RHBDD1: variants seen among roughly 807,000 people sequenced by gnomAD.
RHBDD1 encodes rhomboid domain containing 1, also known as rhomboid-related protein 4.
RHBDD1 carries 38 observed loss-of-function variants against 36.3 expected under a neutral mutation model. The ratio of observed to expected loss-of-function variants is 1.05; its 90% CI spans 0.81 to 1.37. The LOEUF is 1.37. Among genes scored for constraint, RHBDD1 ranks in the 40% most tolerant of loss-of-function variants. The pLI is 0.00. For synonymous variants in RHBDD1, 151 were observed against 136.5 expected, an observed-to-expected ratio of 1.11 and a Z score of -0.74; for missense variants, 393 against 377.6, an observed-to-expected ratio of 1.04 and a Z score of -0.34.
At chr2:226,800,968 T>C in the RHBDD1 span, among the ~76,000 whole-genome samples, 1 of 152,330 alleles carries the variant, frequency 6.6e-6, no homozygotes, top group Admixed American at 6.5e-5. Context: ...CCCAGAGTTT[T>C]TTTATTTTTT....
chr2:226,812,804 T>A, the RHBDD1 span, among the ~76,000 whole-genome samples: 3 of 152,246 alleles, frequency 2.0e-5, no homozygotes, highest in African/African-American at 7.2e-5. Context: ...ATCCATGTAT[T>A]CCTACTTGGG....
At chr2:226,820,883 G>T in the RHBDD1 span, among the ~76,000 whole-genome samples, 1 of 152,104 alleles carries the variant, frequency 6.6e-6, no homozygotes, top group Non-Finnish European at 1.5e-5. Flanking sequence ...TTGCCAGAAA[G>T]TTAGCTGGTG....
intron 8 of RHBDD1, among the ~76,000 whole-genome samples, chr2:226,921,777 T>C (rs976735825): frequency 6.6e-6 from 1 of 152,216 alleles, no homozygotes; most frequent in Non-Finnish European, 1.5e-5. Flanking sequence ...TTGAGAATGA[T>C]TCATGTACTG....
upstream of RHBDD1, among the ~76,000 whole-genome samples, chr2:226,833,084 C>T (rs1940781909): frequency 6.6e-6 from 1 of 152,186 alleles, no homozygotes; most frequent in Admixed American, 6.5e-5. Flanking sequence ...GCATAGTCTA[C>T]TGTTAAGTAT....
intron 5 of RHBDD1, among the ~76,000 whole-genome samples, chr2:226,872,726 A>G (rs1944891936): frequency 6.6e-6 from 1 of 152,216 alleles, no homozygotes; most frequent in Admixed American, 6.5e-5. Flanking sequence ...TAATTTAAGT[A>G]CTTAATTAAT....
rs376615367 is a variant in RHBDD1, at chr2:226,875,296, C to T, written c.566+7978C>T. ...TTATGAACTGTCTCAGGTATTTTTA[C>T]TTTATTCTTTCCATTGTAAGGTGGA... On this transcript the variant is annotated intron_variant, in intron 5 of 8. Coordinates refer to ENST00000392062, the MANE Select transcript of RHBDD1 (RefSeq NM_001167608.3). Among the ~76,000 whole-genome samples, 82 of 152,248 alleles carry T rather than the reference C, an allele frequency of 5.4e-4. No individual in the cohort carries two copies. In the South Asian group the frequency reaches 0.015, roughly 27 times the overall value.
At chr2:226,895,726 A>G in intron 5 of RHBDD1, 1 of 985,334 alleles carries the variant, frequency 1.0e-6, no homozygotes, top group Non-Finnish European at 1.2e-6. Context: ...GCTAATGATT[A>G]TGACTTTCAT....
At chr2:226,808,779 T>A in the RHBDD1 span, 1 of 152,086 alleles carries the variant, frequency 6.6e-6, no homozygotes, top group Non-Finnish European at 1.5e-5. Flanking sequence ...ATTTCTACTG[T>A]ATGTATCCTA....
chr2:226,941,311 A>C (rs1180851360), intron 8 of RHBDD1, among the ~76,000 whole-genome samples: 1 of 152,066 alleles, frequency 6.6e-6, no homozygotes, highest in African/African-American at 2.4e-5. Flanking sequence ...CTAGAGCTGA[A>C]CCTCAAGTGC....
intron 5 of RHBDD1, among the ~76,000 whole-genome samples, chr2:226,886,824 A>G (rs574249774): frequency 1.3e-5 from 2 of 152,304 alleles, no homozygotes; most frequent in Non-Finnish European, 2.9e-5. Flanking sequence ...AATGCTTTCT[A>G]TTATATACCA....
upstream of RHBDD1, among the ~76,000 whole-genome samples, chr2:226,831,723 A>G (rs1302474826): frequency 6.6e-6 from 1 of 151,734 alleles, no homozygotes; most frequent in Non-Finnish European, 1.5e-5. Flanking sequence ...TTTTTTTACA[A>G]CCACCATAGA....
At chr2:226,818,965 T>G in the RHBDD1 span, among the ~76,000 whole-genome samples, 1 of 152,292 alleles carries the variant, frequency 6.6e-6, no homozygotes, top group East Asian at 1.9e-4. Flanking sequence ...ATGTGTAGTT[T>G]TCCATAGTCC....
At chr2:226,939,058 G>A (rs969356809) in intron 8 of RHBDD1, among the ~76,000 whole-genome samples, 1 of 152,088 alleles carries the variant, frequency 6.6e-6, no homozygotes, top group Admixed American at 6.6e-5. Flanking sequence ...TGCAGAAAAG[G>A]CTTTCAATAA....
intron 7 of RHBDD1, among the ~76,000 whole-genome samples, chr2:226,910,995 T>G (rs1171244545): frequency 1.3e-5 from 2 of 152,316 alleles, no homozygotes; most frequent in East Asian, 3.9e-4. Context: ...ACCAAATTTG[T>G]TTTTATAATA....
chr2:226,852,569 C>T (rs1942913386), intron 3 of RHBDD1, among the ~76,000 whole-genome samples: 1 of 152,044 alleles, frequency 6.6e-6, no homozygotes, highest in South Asian at 2.1e-4. Flanking sequence ...CTCACCAGAA[C>T]CCAACCATTC....
At chr2:226,976,400 A>G (rs1294784463) in intron 8 of RHBDD1, among the ~76,000 whole-genome samples, 1 of 151,554 alleles carries the variant, frequency 6.6e-6, no homozygotes, top group African/African-American at 2.4e-5. Flanking sequence ...CAGCAACATC[A>G]AAGGAGCAGT....
intron 3 of RHBDD1, among the ~76,000 whole-genome samples, chr2:226,841,213 G>A (rs548183149): frequency 6.6e-6 from 1 of 152,122 alleles, no homozygotes; most frequent in African/African-American, 2.4e-5. Flanking sequence ...ACTCACTGCA[G>A]CCGGGACCTC....
chr2:226,921,155 CAT>C (rs2125768180), intron 8 of RHBDD1, among the ~76,000 whole-genome samples: 1 of 152,252 alleles, frequency 6.6e-6, no homozygotes, highest in African/African-American at 2.4e-5. Context: ...TACAGTTGCT[CAT>C]AGTAGCCTTT....
At chr2:226,839,315 A>G (rs990227821) in intron 2 of RHBDD1, 94 bp from the exon 3 acceptor site, 14 of 152,206 alleles carry the variant, frequency 9.2e-5, no homozygotes, top group Non-Finnish European at 1.9e-4. Context: ...TAAAAAAACT[A>G]TTAAAAACGG....
Sources: allele counts gnomAD v4.1 joint callset (sites outside exome capture counted in the v4.1 genomes callset), GRCh38; gene constraint gnomAD v4.1.1; transcripts MANE v1.5; gene names NCBI Gene and HGNC (gene_info 2026-07-23, HGNC 2026-07-21).